ACSS3: variants seen among roughly 807,000 people sequenced by gnomAD.
The protein encoded by ACSS3 is acyl-CoA synthetase short-chain family member 3, mitochondrial.
Under a neutral mutation model 84.2 loss-of-function variants are expected in ACSS3, and 64 were observed. That is an observed-to-expected ratio of 0.76 (90% CI 0.62 to 0.94). The LOEUF (loss-of-function observed/expected upper bound fraction) is 0.94, where lower values mean the gene tolerates loss of function less well. Among genes scored for constraint, ACSS3 ranks in the 40% least tolerant of loss-of-function variants. The pLI, the probability that ACSS3 is intolerant of heterozygous loss-of-function variation, is 0.00. For synonymous variants in ACSS3, 317 were observed against 310.1 expected (o/e 1.02, Z -0.23); for missense variants, 815 against 867.6 (o/e 0.94, Z 0.76).
At chr12:81,092,706 G>T (rs1881748431) in intron 1 of ACSS3, among the ~76,000 whole-genome samples, 1 of 152,168 alleles carries the variant, frequency 6.6e-6, no homozygotes, top group Non-Finnish European at 1.5e-5. Context: ...CTTAGCACCA[G>T]CTAGATAATG....
intron 1 of ACSS3, among the ~76,000 whole-genome samples, chr12:81,086,623 C>T (rs1032506144): frequency 5.3e-5 from 8 of 152,138 alleles, no homozygotes; most frequent in East Asian, 3.8e-4. Flanking sequence ...CTCTTATCAC[C>T]GCCTGAAAGG....
chr12:81,205,463 A>T (rs1476035626), intron 9 of ACSS3, among the ~76,000 whole-genome samples: 1 of 152,104 alleles, frequency 6.6e-6, no homozygotes, highest in Admixed American at 6.6e-5. Flanking sequence ...AATACATTCT[A>T]TTTACAAAAA....
At chr12:81,229,052 A>G (rs1020238150) in intron 11 of ACSS3, among the ~76,000 whole-genome samples, 1 of 151,774 alleles carries the variant, frequency 6.6e-6, no homozygotes, top group Non-Finnish European at 1.5e-5. Context: ...AATTTGCTTC[A>G]GACTCCACCA....
chr12:81,109,490 T>C, intron 1 of ACSS3, 70 bp from the exon 2 acceptor site: 3 of 1,524,434 alleles, frequency 2.0e-6, no homozygotes, highest in South Asian at 1.3e-5. Flanking sequence ...ACTAGAAATA[T>C]AATAACTTCA....
intron 7 of ACSS3, among the ~76,000 whole-genome samples, chr12:81,156,832 G>C (rs1389591180): frequency 6.6e-6 from 1 of 152,164 alleles, no homozygotes; most frequent in Non-Finnish European, 1.5e-5. Flanking sequence ...TCCAGACACA[G>C]ATGGTTTTAC....
At chr12:81,103,427 G>A (rs1211361190) in intron 1 of ACSS3, among the ~76,000 whole-genome samples, 1 of 152,134 alleles carries the variant, frequency 6.6e-6, no homozygotes, top group Non-Finnish European at 1.5e-5. Context: ...TTACTGGAAT[G>A]ATTTTATTTA....
rs554459993 is a variant in ACSS3 at position 81,124,969 on chromosome 12, C to T, written c.457-9847C>T. ...GTGGCTCACGCCTGTAATCCCAGCA[C>T]TTTGGGAGGCCGAGGCGGGCAGATC... On this transcript the variant is annotated intron_variant, in intron 2 of 15. Transcript: ENST00000548058. Among the ~76,000 whole-genome samples the T allele has an allele frequency of 1.5e-3, 225 of 152,286 alleles. 2 individuals are homozygous for T. The highest frequency in any genetic ancestry group is 5.3e-3 in the African/African-American group (220 of 41,564).
At position 81,202,331 on chromosome 12, in the gene ACSS3, C is replaced by T. The variant is rs2032149220; in HGVS notation, c.1354+2887C>T. 1.3e-5 allele frequency among the ~76,000 whole-genome samples: 2 copies of T among 151,700 alleles called. 1 individual carries two copies. The highest frequency in any genetic ancestry group is 2.9e-5 in the Non-Finnish European group (2 of 67,916). On this transcript the variant is annotated intron_variant, in intron 9 of 15. Transcript: ENST00000548058. Reference sequence around the variant, plus strand: ...AAATAAAAATAAAATAAAATTTCAACCATTCTTTCCTAAGGTGCTATCAAA... The same window carrying T: ...AAATAAAAATAAAATAAAATTTCAATCATTCTTTCCTAAGGTGCTATCAAA...
chr12:81,194,778 G>T (rs1026120276), intron 8 of ACSS3, among the ~76,000 whole-genome samples: 1 of 151,894 alleles, frequency 6.6e-6, no homozygotes, highest in Non-Finnish European at 1.5e-5. Context: ...TCAGATAAGT[G>T]CTCAATGCTA....
At chr12:81,197,501 C>G (rs934322110) in intron 8 of ACSS3, among the ~76,000 whole-genome samples, 1 of 152,092 alleles carries the variant, frequency 6.6e-6, no homozygotes, top group African/African-American at 2.4e-5. Flanking sequence ...CTCTTCAGAC[C>G]TCCTTTAGCC....
intron 8 of ACSS3, among the ~76,000 whole-genome samples, chr12:81,177,574 G>C (rs532865663): frequency 6.6e-6 from 1 of 152,054 alleles, no homozygotes; most frequent in East Asian, 1.9e-4. Flanking sequence ...TCTGACAAAG[G>C]GCTAATATCC....
intron 13 of ACSS3, among the ~76,000 whole-genome samples, chr12:81,241,445 C>A (rs1051918449): frequency 6.6e-6 from 1 of 152,082 alleles, no homozygotes; most frequent in African/African-American, 2.4e-5. Context: ...AGTTTACAGT[C>A]CCATCAACAG....
At chr12:81,178,706 A>T (rs1231071791) in intron 8 of ACSS3, among the ~76,000 whole-genome samples, 1 of 152,170 alleles carries the variant, frequency 6.6e-6, no homozygotes, top group Non-Finnish European at 1.5e-5. Flanking sequence ...ATATTGTAAA[A>T]ATGGTCATAC....
At chr12:81,157,722 G>T (rs992465401) in intron 7 of ACSS3, among the ~76,000 whole-genome samples, 1 of 151,974 alleles carries the variant, frequency 6.6e-6, no homozygotes, top group Non-Finnish European at 1.5e-5. Context: ...CAAGAGAATC[G>T]CTTGAACCCA....
chr12:81,180,730 G>A (rs2030865440), intron 8 of ACSS3, among the ~76,000 whole-genome samples: 1 of 152,072 alleles, frequency 6.6e-6, no homozygotes, highest in Non-Finnish European at 1.5e-5. Flanking sequence ...TGGCCAGGCT[G>A]GTCTCAAACT....
At chr12:81,208,567 A>G (rs955412336) in intron 9 of ACSS3, among the ~76,000 whole-genome samples, 1 of 152,018 alleles carries the variant, frequency 6.6e-6, no homozygotes, top group Non-Finnish European at 1.5e-5. Context: ...GACCATCCAC[A>G]TCTATCTGAT....
intron 3 of ACSS3, among the ~76,000 whole-genome samples, chr12:81,137,987 C>T (rs1008611359): frequency 4.6e-5 from 7 of 151,960 alleles, no homozygotes; most frequent in African/African-American, 1.7e-4. Flanking sequence ...CTGGGGCAAA[C>T]TATGTAATTG....
chr12:81,122,402 A>T (rs746636953), intron 2 of ACSS3, among the ~76,000 whole-genome samples: 1 of 152,116 alleles, frequency 6.6e-6, no homozygotes, highest in Non-Finnish European at 1.5e-5. Flanking sequence ...AGTAGAAATT[A>T]ATGTTGTTTA....
chr12:81,159,734 G>A (rs1887059331), intron 7 of ACSS3, among the ~76,000 whole-genome samples: 1 of 152,192 alleles, frequency 6.6e-6, no homozygotes, highest in Admixed American at 6.5e-5. Context: ...TTTTCACATA[G>A]GAATGCAATG....
Sources: allele counts gnomAD v4.1 joint callset (sites outside exome capture counted in the v4.1 genomes callset), GRCh38; gene constraint gnomAD v4.1.1; transcripts MANE v1.5; gene names NCBI Gene and HGNC (gene_info 2026-07-23, HGNC 2026-07-21).